The following GLE1 variants were observed in gnomAD, a reference collection of about 807,000 sequenced individuals.
GLE1 encodes the protein mRNA export factor GLE1.
In GLE1, 78 loss-of-function variants were observed where a neutral mutation model predicts 97.3. That is an observed-to-expected ratio of 0.80 (90% confidence interval 0.67 to 0.97). GLE1 has a LOEUF of 0.97. Among genes scored for constraint, GLE1 ranks in the 50% least tolerant of loss-of-function variants. GLE1 has a pLI of 0.00. For missense variants in GLE1, 753 were observed against 857.5 expected (o/e 0.88, Z 1.52); for synonymous variants, 302 against 313.4 (o/e 0.96, Z 0.39).
chr9:128,507,460 T>C (rs1457716462), intron 1 of GLE1, among the ~76,000 whole-genome samples: 1 of 151,976 alleles, frequency 6.6e-6, no homozygotes. Context: ...GGTGCGTGCC[T>C]GTAGTCCCTG....
chr9:128,506,612 A>T (rs1219028588), intron 1 of GLE1, among the ~76,000 whole-genome samples: 1 of 152,152 alleles, frequency 6.6e-6, no homozygotes, highest in Non-Finnish European at 1.5e-5. Flanking sequence ...TGTATTGGCA[A>T]ACCAAGATCT....
chr9:128,519,386 A>T (rs1847074857), intron 3 of GLE1, among the ~76,000 whole-genome samples: 1 of 152,190 alleles, frequency 6.6e-6, no homozygotes, highest in Admixed American at 6.5e-5. Context: ...CTCAGCAAGG[A>T]ACATCCCTGG....
intron 9 of GLE1, among the ~76,000 whole-genome samples, chr9:128,528,344 C>T (rs1370285519): frequency 1.4e-5 from 2 of 146,156 alleles, no homozygotes; most frequent in Admixed American, 6.9e-5. Context: ...TGCTCTGTCA[C>T]CCAGACTGGA....
intron 4 of GLE1, 68 bp downstream of exon 4, chr9:128,522,884 TC>T: frequency 6.4e-7 from 1 of 1,557,598 alleles, no homozygotes; most frequent in Non-Finnish European, 8.9e-7. Context: ...CAAGAGGAAT[TC>T]CAAAGGGAAA....
At position 128,541,356 on chromosome 9, in the gene GLE1, T is replaced by G; in HGVS notation, c.*186T>G. ...CACAAAATTCTTGGAGGTCCCTTAG[T>G]AGATTTGGTAGTTCCTTAAGAGATC... On this transcript the variant is annotated 3_prime_UTR_variant, in exon 16 of 16. Coordinates refer to ENST00000309971, the MANE Select transcript of GLE1 (RefSeq NM_001003722.2). 1 of 610,382 alleles carries G rather than the reference T, an allele frequency of 1.6e-6. No homozygotes were observed. The highest frequency in any genetic ancestry group is 1.9e-5 in the South Asian group (1 of 51,436). The allele number at this position is 610,382 out of a possible 1,614,324, so 37.8% of individuals were successfully genotyped here. A position where few individuals can be genotyped will look rare whatever the true frequency, so the allele number is the denominator to read the frequency against.
At chr9:128,506,475 C>T (rs1846643896) in intron 1 of GLE1, among the ~76,000 whole-genome samples, 1 of 152,134 alleles carries the variant, frequency 6.6e-6, no homozygotes, top group Admixed American at 6.6e-5. Context: ...GACATATTTC[C>T]ATCTTTCATT....
At chr9:128,540,631 T>C (rs1847858825) in intron 15 of GLE1, 1 of 416,858 alleles carries the variant, frequency 2.4e-6, no homozygotes, top group African/African-American at 2.0e-5. Flanking sequence ...TTGGCCAAGG[T>C]TATTTTCTTA....
At chr9:128,534,938 C>T (rs1404062487) in intron 11 of GLE1, among the ~76,000 whole-genome samples, 2 of 151,592 alleles carry the variant, frequency 1.3e-5, no homozygotes, top group Non-Finnish European at 2.9e-5. Context: ...AGGATGGTCT[C>T]GATCTCTTGA....
At chr9:128,509,643 C>T (rs1161384828) in intron 2 of GLE1, among the ~76,000 whole-genome samples, 1 of 143,084 alleles carries the variant, frequency 7.0e-6, no homozygotes, top group African/African-American at 2.8e-5. Context: ...AACCTCCACT[C>T]CTAAACGCAA....
At chr9:128,527,118 GC>G in intron 7 of GLE1, 60 bp from the exon 8 acceptor site, 1 of 874,540 alleles carries the variant, frequency 1.1e-6, no homozygotes, top group South Asian at 1.4e-5. Flanking sequence ...AACAGTGCCT[GC>G]CTCATATTAC....
At chr9:128,539,535 G>A in intron 13 of GLE1, 81 bp from the exon 14 acceptor site, 1 of 1,169,170 alleles carries the variant, frequency 8.6e-7, no homozygotes, top group Non-Finnish European at 1.3e-6. Context: ...GAAAGATGAA[G>A]GGCTGATTGT....
chr9:128,509,932 CT>C (rs1379688426), intron 2 of GLE1, among the ~76,000 whole-genome samples: 2 of 151,864 alleles, frequency 1.3e-5, no homozygotes, highest in East Asian at 3.9e-4. Flanking sequence ...ACATTCCAGC[CT>C]AGGCAACAGA....
At chr9:128,506,507 A>G (rs1846644762) in intron 1 of GLE1, among the ~76,000 whole-genome samples, 1 of 152,140 alleles carries the variant, frequency 6.6e-6, no homozygotes. Flanking sequence ...ACTTTTTGAC[A>G]CAAAAAGATG....
At chr9:128,506,236 T>G (rs1846637280) in intron 1 of GLE1, among the ~76,000 whole-genome samples, 1 of 151,948 alleles carries the variant, frequency 6.6e-6, no homozygotes, top group Admixed American at 6.6e-5. Context: ...TCCCAGCTAC[T>G]CGGGAGACTG....
chr9:128,532,854 C>T (rs769047305), intron 9 of GLE1, among the ~76,000 whole-genome samples: 6 of 152,222 alleles, frequency 3.9e-5, no homozygotes, highest in Admixed American at 3.3e-4. Flanking sequence ...ATAGCTGTTA[C>T]GAATCCACTT....
chr9:128,506,546 C>T (rs965531102), intron 1 of GLE1, among the ~76,000 whole-genome samples: 1 of 152,110 alleles, frequency 6.6e-6, no homozygotes, highest in Non-Finnish European at 1.5e-5. Flanking sequence ...CTGTCTTAAT[C>T]CTGGAATCAG....
intron 3 of GLE1, among the ~76,000 whole-genome samples, chr9:128,522,312 G>C (rs531685628): frequency 6.6e-6 from 1 of 152,214 alleles, no homozygotes; most frequent in Non-Finnish European, 1.5e-5. Context: ...TGGGCAGGTA[G>C]CCCGCAGGGG....
At chr9:128,540,164 T>C in intron 14 of GLE1, 111 bp from the exon 15 acceptor site, 2 of 786,212 alleles carry the variant, frequency 2.5e-6, no homozygotes, top group Admixed American at 1.9e-5. Flanking sequence ...CTCGGTGAGC[T>C]ATGATCGCAC....
At chr9:128,540,375 GT>G in intron 15 of GLE1, 37 bp downstream of exon 15, 1 of 1,371,324 alleles carries the variant, frequency 7.3e-7, no homozygotes, top group East Asian at 2.3e-5. Context: ...CCACACTGTT[GT>G]TGGGCTGGAA....
Sources: allele counts gnomAD v4.1 joint callset (sites outside exome capture counted in the v4.1 genomes callset), GRCh38; gene constraint gnomAD v4.1.1; transcripts MANE v1.5; gene names NCBI Gene and HGNC (gene_info 2026-07-23, HGNC 2026-07-21).